Variants in CCDC59 observed in about 807,000 individuals in gnomAD.
CCDC59 encodes the protein coiled-coil domain containing 59, also known as thyroid transcription factor 1-associated protein 26.
CCDC59 carries 27 observed loss-of-function variants against 30.5 expected under a neutral mutation model. The ratio of observed to expected loss-of-function variants is 0.89; its 90% CI spans 0.65 to 1.22. CCDC59 has a LOEUF of 1.22. CCDC59 is among the 50% of genes most tolerant of loss of function. The pLI, the probability that CCDC59 is intolerant of heterozygous loss-of-function variation, is 0.00. For missense variants in CCDC59, 362 were observed against 284.4 expected, an observed-to-expected ratio of 1.27 and a Z score of -1.96; for synonymous variants, 125 against 100.9, an observed-to-expected ratio of 1.24 and a Z score of -1.43.
chr12:82,354,780 A>G, intron 2 of CCDC59, 186 bp from the exon 3 acceptor site: 1 of 447,010 alleles, frequency 2.2e-6, no homozygotes, highest in Non-Finnish European at 3.7e-6. Context: ...TAAAAAAAAA[A>G]ACTTTTAAAA....
chr12:82,358,522 C>T, upstream of CCDC59: 1 of 1,599,668 alleles, frequency 6.3e-7, no homozygotes, highest in Non-Finnish European at 8.5e-7. Flanking sequence ...GCTGGCGCCT[C>T]ACGGCCATGT....
chr12:82,358,619 C>G, upstream of CCDC59: 5 of 1,613,930 alleles, frequency 3.1e-6, no homozygotes, highest in Non-Finnish European at 3.4e-6. Context: ...CGCTGCGTGC[C>G]AAGTTGCAGG....
At chr12:82,358,655 C>CCTGTCCAT (rs755525298), upstream of CCDC59, 1 of 1,614,166 alleles carries the variant, frequency 6.2e-7, no homozygotes, top group African/African-American at 1.3e-5. Context: ...TGAGGGATGC[C>CCTGTCCAT]CTGTCCATTT....
chr12:82,357,368 ACATT>A, intron 1 of CCDC59, 99 bp from the exon 2 acceptor site: 1 of 930,364 alleles, frequency 1.1e-6, no homozygotes, highest in Non-Finnish European at 1.6e-6. Context: ...TTACGTCATC[ACATT>A]CAGATTCTAG....
chr12:82,355,433 A>G (rs1468627690), intron 2 of CCDC59: 2 of 152,226 alleles, frequency 1.3e-5, no homozygotes, highest in African/African-American at 4.8e-5. Context: ...TCTTGACTTA[A>G]TAAGGAAGGA....
intron 1 of CCDC59, among the ~76,000 whole-genome samples, chr12:82,358,006 G>A (rs763913027): frequency 8.5e-5 from 13 of 152,192 alleles, no homozygotes; most frequent in Non-Finnish European, 1.8e-4. Context: ...GAAATACAGG[G>A]TTACGTCAGA....
At chr12:82,358,167 T>C (rs1881200776) in intron 1 of CCDC59, 56 bp downstream of exon 1, 37 of 1,601,566 alleles carry the variant, frequency 2.3e-5, no homozygotes, top group Non-Finnish European at 3.0e-5. Flanking sequence ...CAGCGAATCT[T>C]ATATCCTAAA....
chr12:82,353,307 G>C lies in CCDC59; in HGVS notation c.570C>G (p.Phe190Leu), dbSNP rs764541070. 1.9e-6 allele frequency: 3 copies of C among 1,592,980 alleles called. No individual in the cohort carries two copies. Among genetic ancestry groups the C allele is most frequent in the African/African-American group, 1.4e-5 (1 of 73,330 alleles). ...QAKRAAKKQE[F>L]ERRKQEREEA... ...CTTCTCTCTCCTGTTTTCTCCTCTC[G>C]AATTCCTAAAATTATTAACATATGT... is the stretch of plus-strand genomic sequence containing the variant. Residue 190 changes from phenylalanine to leucine, a missense_variant, in exon 4 of 4, where the codon TTC becomes TTG. Physicochemically the swap from Phe to Leu is conservative, Grantham distance 22. Transcript: ENST00000256151.
chr12:82,353,779 G>A (rs1044892695), intron 3 of CCDC59, among the ~76,000 whole-genome samples: 1 of 152,026 alleles, frequency 6.6e-6, no homozygotes, highest in Admixed American at 6.6e-5. Flanking sequence ...ATATTCTAAA[G>A]CAAAAACAAG....
intron 2 of CCDC59, chr12:82,355,908 A>G (rs532921427): frequency 1.3e-5 from 2 of 152,278 alleles, no homozygotes; most frequent in South Asian, 2.1e-4. Context: ...TTCCTTTCTC[A>G]TGATTTAAAC....
chr12:82,353,277 G>A lies in CCDC59; in HGVS notation c.600C>T (p.Ala200=). 1 of 1,608,320 alleles carries A rather than the reference G, an allele frequency of 6.2e-7. No homozygotes were observed. The highest frequency in any genetic ancestry group is 8.5e-7 in the Non-Finnish European group (1 of 1,178,132). The change falls in exon 4 of 4, where the codon GCC becomes GCT. Residue 200 remains alanine (A), a synonymous_variant. Transcript: ENST00000256151. ...TTTTCTTCTTTTTGTACTGCCTTTGGGCTTCTTCTCTCTCCTGTTTTCTCC... is the reference window on the plus strand; with the variant it reads ...TTTTCTTCTTTTTGTACTGCCTTTGAGCTTCTTCTCTCTCCTGTTTTCTCC... ...FERRKQEREE[A]QRQYKKKKME... is the part of the protein sequence containing the mutation.
Position 82,353,119 on chromosome 12 carries a change from A to G in CCDC59, c.*32T>C. 6.4e-7 allele frequency: 1 copy of G among 1,557,896 alleles called. No homozygotes were observed. The highest frequency in any genetic ancestry group is 8.7e-7 in the Non-Finnish European group (1 of 1,151,866). ...CATGTCACAGAAGAACCTAATAGGCAGCAGATATTTTAACCTGTAGGAACA... is the reference window on the plus strand; with the variant it reads ...CATGTCACAGAAGAACCTAATAGGCGGCAGATATTTTAACCTGTAGGAACA... On this transcript the variant is annotated 3_prime_UTR_variant, in exon 4 of 4. Coordinates refer to ENST00000256151, the MANE Select transcript of CCDC59 (RefSeq NM_014167.5).
intron 2 of CCDC59, chr12:82,355,745 G>C (rs1039521975): frequency 6.6e-6 from 1 of 152,158 alleles, no homozygotes; most frequent in African/African-American, 2.4e-5. Flanking sequence ...ATATTTGATA[G>C]CTGACTAATC....
intron 2 of CCDC59, chr12:82,355,190 C>T (rs993575173): frequency 6.6e-6 from 1 of 152,384 alleles, no homozygotes; most frequent in Non-Finnish European, 1.5e-5. Context: ...GGACTAGTGA[C>T]TAGTGACTGC....
chr12:82,353,349 A>G (rs17774157), intron 3 of CCDC59, 37 bp from the exon 4 acceptor site: 1 of 1,510,448 alleles, frequency 6.6e-7, no homozygotes, highest in East Asian at 2.3e-5. Flanking sequence ...CATTAGCAAC[A>G]AACAGTAGAT....
intron 3 of CCDC59, among the ~76,000 whole-genome samples, chr12:82,354,198 C>T (rs1880927765): frequency 6.6e-6 from 1 of 152,058 alleles, no homozygotes; most frequent in Admixed American, 6.5e-5. Flanking sequence ...TGCTTGTTAA[C>T]AAGTGCAAGT....
At chr12:82,357,665 AACT>A (rs1368822042) in intron 1 of CCDC59, among the ~76,000 whole-genome samples, 2 of 152,260 alleles carry the variant, frequency 1.3e-5, no homozygotes, top group South Asian at 2.1e-4. Context: ...ATCTTGGACA[AACT>A]ACATGTTTTC....
intron 2 of CCDC59, chr12:82,356,243 A>G (rs1428823747): frequency 6.6e-6 from 1 of 152,232 alleles, no homozygotes; most frequent in Admixed American, 6.5e-5. Context: ...ATAGTTTTTT[A>G]TAAGTTAACT....
At chr12:82,354,431 T>TA in intron 3 of CCDC59, 64 bp downstream of exon 3, 1 of 1,265,086 alleles carries the variant, frequency 7.9e-7, no homozygotes, top group South Asian at 1.5e-5. Flanking sequence ...GCACAACAGG[T>TA]ATAGTATATA....
Sources: allele counts gnomAD v4.1 joint callset (sites outside exome capture counted in the v4.1 genomes callset), GRCh38; gene constraint gnomAD v4.1.1; transcripts MANE v1.5; gene names NCBI Gene and HGNC (gene_info 2026-07-23, HGNC 2026-07-21).